The following DOCK4 variants were observed in gnomAD, a reference collection of about 807,000 sequenced individuals.
DOCK4 encodes dedicator of cytokinesis protein 4.
DOCK4 carries 97 observed loss-of-function variants against 268.1 expected under a neutral mutation model. The ratio of observed to expected loss-of-function variants is 0.36; its 90% CI spans 0.31 to 0.43. The LOEUF (loss-of-function observed/expected upper bound fraction) is 0.43, where lower values mean the gene tolerates loss of function less well. Among genes scored for constraint, DOCK4 ranks in the 20% least tolerant of loss-of-function variants. The pLI, the probability that DOCK4 is intolerant of heterozygous loss-of-function variation, is 1.00. For missense variants in DOCK4, 2,145 were observed against 2,455.7 expected (o/e 0.87, Z 2.67); for synonymous variants, 954 against 887.2 (o/e 1.08, Z -1.34).
chr7:112,118,344 A>C (rs1437147434), intron 1 of DOCK4, among the ~76,000 whole-genome samples: 1 of 152,168 alleles, frequency 6.6e-6, no homozygotes, highest in Non-Finnish European at 1.5e-5. Context: ...ATACTTAACA[A>C]GATTTAATTG....
chr7:111,796,386 T>C (rs1045048683), intron 30 of DOCK4, among the ~76,000 whole-genome samples: 30 of 152,218 alleles, frequency 2.0e-4, no homozygotes, highest in Non-Finnish European at 1.5e-5. Context: ...ACAGGACACA[T>C]TGCTAGTTCT....
intron 52 of DOCK4, 117 bp downstream of exon 52, chr7:111,732,109 A>G (rs1387098727): frequency 3.9e-6 from 4 of 1,029,332 alleles, no homozygotes; most frequent in Middle Eastern, 2.2e-4. Context: ...TCCCTGATTG[A>G]TAAGTTCTTT....
At chr7:112,120,748 C>G (rs1473752152) in intron 1 of DOCK4, among the ~76,000 whole-genome samples, 1 of 152,230 alleles carries the variant, frequency 6.6e-6, no homozygotes, top group African/African-American at 2.4e-5. Flanking sequence ...CTTCCAGGCT[C>G]ATAAGCAATA....
chr7:112,015,935 C>G (rs1287944785), intron 1 of DOCK4, among the ~76,000 whole-genome samples: 1 of 152,194 alleles, frequency 6.6e-6, no homozygotes, highest in East Asian at 1.9e-4. Flanking sequence ...GCCTTAATCC[C>G]ATTAACAAGG....
At chr7:111,968,675 A>G (rs1341297565) in intron 8 of DOCK4, among the ~76,000 whole-genome samples, 1 of 123,738 alleles carries the variant, frequency 8.1e-6, no homozygotes, top group Non-Finnish European at 1.6e-5. Context: ...ATCTAGAACT[A>G]GAAATGCCAT....
intron 1 of DOCK4, among the ~76,000 whole-genome samples, chr7:112,138,328 T>C (rs1339387781): frequency 6.6e-6 from 1 of 152,166 alleles, no homozygotes; most frequent in Non-Finnish European, 1.5e-5. Context: ...AAGTATTTTG[T>C]TGGAAAATGG....
chr7:111,806,717 CCCCAAT>C (rs2133884869), intron 30 of DOCK4, among the ~76,000 whole-genome samples: 1 of 152,300 alleles, frequency 6.6e-6, no homozygotes, highest in East Asian at 1.9e-4. Flanking sequence ...GACTGCTGTG[CCCCAAT>C]CCCAGAGATT....
chr7:112,137,436 G>C (rs1814469133), intron 1 of DOCK4, among the ~76,000 whole-genome samples: 1 of 151,440 alleles, frequency 6.6e-6, no homozygotes, highest in South Asian at 2.1e-4. Context: ...CTCCCTTGTA[G>C]TTTGGTCCTT....
intron 1 of DOCK4, among the ~76,000 whole-genome samples, chr7:112,039,382 G>A (rs1049677538): frequency 7.2e-6 from 1 of 138,686 alleles, no homozygotes; most frequent in African/African-American, 2.6e-5. Context: ...ATGGGGGGGG[G>A]GGCTTAAAGA....
At chr7:111,800,128 A>G (rs1331225830) in intron 30 of DOCK4, among the ~76,000 whole-genome samples, 1 of 152,126 alleles carries the variant, frequency 6.6e-6, no homozygotes, top group Non-Finnish European at 1.5e-5. Context: ...TTTTTTACTA[A>G]AGGTTGATAA....
chr7:111,802,731 CA>C (rs1310672496), intron 30 of DOCK4, among the ~76,000 whole-genome samples: 2 of 152,110 alleles, frequency 1.3e-5, no homozygotes, highest in African/African-American at 4.8e-5. Context: ...AAATTTTCTT[CA>C]AATTTCTTTT....
intron 9 of DOCK4, among the ~76,000 whole-genome samples, chr7:111,945,080 A>G (rs576497079): frequency 3.5e-4 from 53 of 152,348 alleles, no homozygotes; most frequent in African/African-American, 1.3e-3. Flanking sequence ...TACTTTAAAG[A>G]AGAGAGCACT....
chr7:111,769,762 G>A (rs544869759), intron 36 of DOCK4, 85 bp from the exon 37 acceptor site: 1 of 1,444,058 alleles, frequency 6.9e-7, no homozygotes, highest in East Asian at 2.4e-5. Flanking sequence ...ACAAACTGGG[G>A]AAAAAAAATA....
At chr7:111,785,199 T>G (rs1206812422) in intron 32 of DOCK4, among the ~76,000 whole-genome samples, 1 of 152,162 alleles carries the variant, frequency 6.6e-6, no homozygotes, top group Non-Finnish European at 1.5e-5. Flanking sequence ...ATGGAAGGGA[T>G]GGAATCTGCC....
At chr7:111,918,427 C>T (rs1052593133) in intron 12 of DOCK4, among the ~76,000 whole-genome samples, 6 of 152,078 alleles carry the variant, frequency 3.9e-5, no homozygotes, top group Admixed American at 1.3e-4. Flanking sequence ...TCCATGGTCA[C>T]GGGAAATGAA....
chr7:111,787,464 G>T (rs1417154517), intron 32 of DOCK4, among the ~76,000 whole-genome samples: 1 of 152,090 alleles, frequency 6.6e-6, no homozygotes, highest in Non-Finnish European at 1.5e-5. Flanking sequence ...AGAAAAAAAT[G>T]ATACTGTTCA....
chr7:112,200,622 G>C (rs1406814571), intron 1 of DOCK4, among the ~76,000 whole-genome samples: 1 of 148,792 alleles, frequency 6.7e-6, no homozygotes, highest in Non-Finnish European at 1.5e-5. Context: ...CTCAGAAAAT[G>C]TTGTCTCCTT....
intron 1 of DOCK4, among the ~76,000 whole-genome samples, chr7:112,201,361 T>C (rs1449845015): frequency 1.3e-5 from 2 of 152,198 alleles, no homozygotes; most frequent in Non-Finnish European, 2.9e-5. Context: ...ACACAATTTA[T>C]TTTTTAAATG....
At chr7:111,939,431 C>T (rs1374624883) in intron 11 of DOCK4, among the ~76,000 whole-genome samples, 6 of 149,804 alleles carry the variant, frequency 4.0e-5, no homozygotes, top group Middle Eastern at 3.5e-3. Flanking sequence ...AGGAGAATGG[C>T]GTGAACCCGG....
Sources: allele counts gnomAD v4.1 joint callset (sites outside exome capture counted in the v4.1 genomes callset), GRCh38; gene constraint gnomAD v4.1.1; transcripts MANE v1.5; gene names NCBI Gene and HGNC (gene_info 2026-07-23, HGNC 2026-07-21).